Variants in TBC1D19 observed in about 807,000 individuals in gnomAD.
TBC1D19 encodes TBC1 domain family member 19.
Under a neutral mutation model 89.0 loss-of-function variants are expected in TBC1D19, and 60 were observed. That is an observed-to-expected ratio of 0.67 (90% CI 0.55 to 0.84). The LOEUF (loss-of-function observed/expected upper bound fraction) is 0.84. Ranked by LOEUF, TBC1D19 falls within the 40% of genes least tolerant of loss-of-function variation. The pLI is 0.00. For missense variants in TBC1D19, 500 were observed against 610.8 expected (o/e 0.82, Z 1.91); for synonymous variants, 189 against 199.7 (o/e 0.95, Z 0.45).
At chr4:26,607,336 A>G (rs1741077278) in intron 1 of TBC1D19, among the ~76,000 whole-genome samples, 1 of 152,216 alleles carries the variant, frequency 6.6e-6, no homozygotes, top group African/African-American at 2.4e-5. Context: ...TATTTAGTCC[A>G]TTGCCATCTG....
At chr4:26,781,798 A>ATTTT in the TBC1D19 span, among the ~76,000 whole-genome samples, 1 of 146,558 alleles carries the variant, frequency 6.8e-6, no homozygotes, top group Non-Finnish European at 1.5e-5. Flanking sequence ...ATCAAGGTTG[A>ATTTT]TTTTTTTTTT....
At chr4:26,728,827 T>C (rs1359921877) in intron 15 of TBC1D19, among the ~76,000 whole-genome samples, 5 of 151,450 alleles carry the variant, frequency 3.3e-5, no homozygotes, top group Non-Finnish European at 7.4e-5. Flanking sequence ...TCCTGGCTAA[T>C]ATGGTGAAAC....
intron 15 of TBC1D19, among the ~76,000 whole-genome samples, chr4:26,731,487 A>G (rs527896076): frequency 1.3e-5 from 2 of 152,308 alleles, no homozygotes; most frequent in East Asian, 3.9e-4. Context: ...AAAATGACTC[A>G]AAAGTTTCTT....
chr4:26,735,121 T>C lies in TBC1D19; in HGVS notation c.1085-334T>C, dbSNP rs563559031. Among the ~76,000 whole-genome samples, 24 of 147,468 alleles carry C rather than the reference T, an allele frequency of 1.6e-4. 1 individual carries two copies. In the South Asian group the frequency reaches 4.6e-3, roughly 28 times the overall value. The stretch of plus-strand genomic sequence containing the variant: ...GTATATATGTATATATGTATACACA[T>C]GTGTGTGTATATTTGTATACACATA... On this transcript the variant is annotated intron_variant, in intron 15 of 20. Coordinates refer to ENST00000264866, the MANE Select transcript of TBC1D19 (RefSeq NM_018317.4).
At chr4:26,715,279 A>G (rs1716514568) in intron 13 of TBC1D19, among the ~76,000 whole-genome samples, 1 of 152,010 alleles carries the variant, frequency 6.6e-6, no homozygotes, top group Non-Finnish European at 1.5e-5. Flanking sequence ...GCTGAGATCA[A>G]ACATCCTTCT....
intron 19 of TBC1D19, among the ~76,000 whole-genome samples, chr4:26,749,542 G>C (rs1718838483): frequency 6.6e-6 from 1 of 151,304 alleles, no homozygotes; most frequent in Non-Finnish European, 1.5e-5. Flanking sequence ...CACCTCCTGG[G>C]TTAAAGAGAG....
At chr4:26,808,727 CAAAAAA>C in the TBC1D19 span, among the ~76,000 whole-genome samples, 3 of 95,112 alleles carry the variant, frequency 3.2e-5, no homozygotes, top group East Asian at 3.1e-4. Flanking sequence ...GACTCTGTCT[CAAAAAA>C]AAAAAAAAAA....
intron 9 of TBC1D19, among the ~76,000 whole-genome samples, chr4:26,667,707 T>C (rs1159667484): frequency 2.0e-5 from 3 of 152,148 alleles, no homozygotes; most frequent in East Asian, 1.9e-4. Context: ...GTGGAGTATA[T>C]ACCTGGGAGT....
intron 15 of TBC1D19, among the ~76,000 whole-genome samples, chr4:26,731,199 C>T (rs1183245516): frequency 6.6e-6 from 1 of 152,042 alleles, no homozygotes; most frequent in Non-Finnish European, 1.5e-5. Context: ...GGGGAGGGAT[C>T]AAGGCTATCA....
the TBC1D19 span, among the ~76,000 whole-genome samples, chr4:26,795,867 TTCTG>T: frequency 2.0e-5 from 3 of 152,302 alleles, no homozygotes; most frequent in East Asian, 5.8e-4. Context: ...AATATTTTTC[TTCTG>T]TCTTTGTCCC....
chr4:26,693,066 C>G (rs1714441434), intron 13 of TBC1D19, among the ~76,000 whole-genome samples: 1 of 149,636 alleles, frequency 6.7e-6, no homozygotes, highest in Non-Finnish European at 1.5e-5. Flanking sequence ...GTAGAGGTTG[C>G]AGTGAGCCAA....
the TBC1D19 span, among the ~76,000 whole-genome samples, chr4:26,787,839 T>A: frequency 1.3e-5 from 2 of 152,082 alleles, no homozygotes; most frequent in Non-Finnish European, 2.9e-5. Context: ...TATTTATAGT[T>A]CCCCTTACCT....
chr4:26,591,405 T>C (rs1228380522), intron 1 of TBC1D19, among the ~76,000 whole-genome samples: 1 of 152,040 alleles, frequency 6.6e-6, no homozygotes, highest in Non-Finnish European at 1.5e-5. Flanking sequence ...AATTAAAGAA[T>C]GTGTAAGCAG....
intron 9 of TBC1D19, among the ~76,000 whole-genome samples, 187 bp from the exon 10 acceptor site, chr4:26,671,960 ACT>A (rs1040769339): frequency 2.0e-5 from 3 of 151,668 alleles, no homozygotes; most frequent in African/African-American, 2.4e-5. Flanking sequence ...AATGCTCATA[ACT>A]CTGTTTTAAT....
chr4:26,792,505 A>T, the TBC1D19 span, among the ~76,000 whole-genome samples: 1 of 152,216 alleles, frequency 6.6e-6, no homozygotes, highest in African/African-American at 2.4e-5. Context: ...AAACAGGCCC[A>T]GCTGGAGGCG....
At chr4:26,604,817 C>T (rs2968717) in intron 1 of TBC1D19, among the ~76,000 whole-genome samples, 1 of 151,832 alleles carries the variant, frequency 6.6e-6, no homozygotes, top group Non-Finnish European at 1.5e-5. Context: ...GGAGGCGGAG[C>T]TTGCAGTGAG....
the TBC1D19 span, among the ~76,000 whole-genome samples, chr4:26,775,724 G>C: frequency 1.2e-4 from 18 of 152,118 alleles, 1 homozygote; most frequent in Non-Finnish European, 2.5e-4. Context: ...TGTTATAGCA[G>C]AACAACATGG....
the TBC1D19 span, among the ~76,000 whole-genome samples, chr4:26,768,958 T>C: frequency 6.6e-6 from 1 of 151,378 alleles, no homozygotes; most frequent in African/African-American, 2.4e-5. Context: ...TCCAAGAAGA[T>C]CAACAAGCCC....
At chr4:26,600,283 C>T (rs1362635623) in intron 1 of TBC1D19, among the ~76,000 whole-genome samples, 1 of 152,204 alleles carries the variant, frequency 6.6e-6, no homozygotes, top group Non-Finnish European at 1.5e-5. Flanking sequence ...TGCTGTGATA[C>T]TTACCCATAT....
Sources: gnomAD v4.1 joint callset for allele counts (sites outside exome capture counted in the v4.1 genomes callset) on GRCh38, gnomAD v4.1.1 for gene constraint, MANE v1.5 for transcripts, NCBI Gene and HGNC (gene_info 2026-07-23, HGNC 2026-07-21) for gene names.